RASGRF1: variants seen among roughly 807,000 people sequenced by gnomAD.
The protein encoded by RASGRF1 is ras-specific guanine nucleotide-releasing factor 1.
Under a neutral mutation model 138.7 loss-of-function variants are expected in RASGRF1, and 40 were observed. The ratio of observed to expected loss-of-function variants is 0.29; its 90% CI spans 0.22 to 0.38. The LOEUF (loss-of-function observed/expected upper bound fraction) is 0.38. RASGRF1 is among the 10% of genes least tolerant of loss of function. The pLI, the probability that RASGRF1 is intolerant of heterozygous loss-of-function variation, is 1.00. For synonymous variants in RASGRF1, 614 were observed against 663.2 expected (o/e 0.93, Z 1.14); for missense variants, 1,108 against 1,650.4 (o/e 0.67, Z 5.69).
intron 1 of RASGRF1, among the ~76,000 whole-genome samples, chr15:79,067,245 C>G (rs1031530121): frequency 5.3e-5 from 8 of 152,172 alleles, no homozygotes; most frequent in Non-Finnish European, 1.2e-4. Flanking sequence ...AGAGCCACTT[C>G]AGGCTCCCAG....
intron 2 of RASGRF1, among the ~76,000 whole-genome samples, chr15:79,062,003 C>G (rs910498379): frequency 1.3e-5 from 2 of 152,184 alleles, no homozygotes; most frequent in African/African-American, 4.8e-5. Context: ...AGTGGTTGTG[C>G]CATTTTATCT....
intron 1 of RASGRF1, among the ~76,000 whole-genome samples, chr15:79,068,626 A>G (rs2057713479): frequency 6.6e-6 from 1 of 151,126 alleles, no homozygotes; most frequent in Admixed American, 6.6e-5. Flanking sequence ...ACACACACAC[A>G]CACGCTTTTA....
chr15:78,970,799 T>TC (rs59435576), intron 26 of RASGRF1, among the ~76,000 whole-genome samples: 16,192 of 148,432 alleles, frequency 0.11, 960 homozygotes, highest in African/African-American at 0.15. Context: ...ATTAAACAAT[T>TC]TTTTTTTCTT....
intron 22 of RASGRF1, 99 bp from the exon 23 acceptor site, chr15:78,985,303 CAAG>C: frequency 7.9e-7 from 1 of 1,263,654 alleles, no homozygotes; most frequent in Non-Finnish European, 1.1e-6. Context: ...CTTGAAAATA[CAAG>C]AAGGAATTGG....
intron 5 of RASGRF1, among the ~76,000 whole-genome samples, chr15:79,042,321 C>T (rs962305097): frequency 6.6e-6 from 1 of 152,180 alleles, no homozygotes; most frequent in Non-Finnish European, 1.5e-5. Flanking sequence ...TAGGGGACAG[C>T]TACATATGAA....
intron 13 of RASGRF1, among the ~76,000 whole-genome samples, chr15:79,014,948 AAAAC>A (rs1335953892): frequency 3.8e-4 from 57 of 151,422 alleles, no homozygotes; most frequent in South Asian, 8.3e-4. Flanking sequence ...CAAAAAACAA[AAAAC>A]AAACAAAACA....
chr15:79,061,116 T>A (rs2057598422), intron 2 of RASGRF1, among the ~76,000 whole-genome samples: 1 of 152,022 alleles, frequency 6.6e-6, no homozygotes, highest in South Asian at 2.1e-4. Context: ...TGCCCCCTCC[T>A]CCCCTTCTTA....
In RASGRF1 at chr15:79,006,317, C is replaced by G. The variant is rs761805791; in HGVS notation, c.1944G>C (p.Thr648=). The change falls in exon 14 of 27, where the codon ACG becomes ACC. Residue 648 remains threonine (T), a synonymous_variant. Transcript: ENST00000558480. This position sits in a 1 kb window ranked among gnomAD's most constrained non-coding sequence, Gnocchi z 4.0. ...ASVERLLERL[T]DLRFLSIDFL... Reference sequence around the variant, plus strand: ...AGTCGATGCTCAGGAAGCGCAGGTCCGTCAGCCTCTCCAGCAGCCGCTCCA... The same window carrying G: ...AGTCGATGCTCAGGAAGCGCAGGTCGGTCAGCCTCTCCAGCAGCCGCTCCA... 6.2e-7 allele frequency: 1 copy of G among 1,614,204 alleles called. No homozygotes were observed. Among genetic ancestry groups the G allele is most frequent in the Non-Finnish European group, 8.5e-7 (1 of 1,180,036 alleles).
At chr15:79,080,823 C>T (rs1335721659) in intron 1 of RASGRF1, among the ~76,000 whole-genome samples, 1 of 152,292 alleles carries the variant, frequency 6.6e-6, no homozygotes, top group Non-Finnish European at 1.5e-5. Flanking sequence ...CCTCAATGTC[C>T]ACTAGACCTA....
At chr15:79,023,006 C>T (rs954622224) in intron 10 of RASGRF1, among the ~76,000 whole-genome samples, 3 of 152,152 alleles carry the variant, frequency 2.0e-5, no homozygotes, top group Non-Finnish European at 2.9e-5. Flanking sequence ...AACCCCATCT[C>T]TACTAAAAAT....
At chr15:79,000,210 C>T (rs28557276) in intron 16 of RASGRF1, among the ~76,000 whole-genome samples, 2,345 of 152,358 alleles carry the variant, frequency 0.015, 28 homozygotes, top group Middle Eastern at 0.024. Context: ...AACCCCTTCA[C>T]CTCTCAGGTC....
intron 7 of RASGRF1, among the ~76,000 whole-genome samples, chr15:79,031,844 ACT>A (rs1425023901): frequency 6.6e-6 from 1 of 151,708 alleles, no homozygotes; most frequent in Non-Finnish European, 1.5e-5. Flanking sequence ...TTGGTCACAG[ACT>A]CTAACTTGGA....
chr15:79,035,408 G>A (rs1016327728), intron 5 of RASGRF1, among the ~76,000 whole-genome samples, 198 bp from the exon 6 acceptor site: 2 of 152,380 alleles, frequency 1.3e-5, no homozygotes, highest in South Asian at 4.1e-4. Flanking sequence ...CAGGCCCCTG[G>A]TTAAAGAATC....
intron 2 of RASGRF1, 135 bp from the exon 3 acceptor site, chr15:79,058,616 G>T: frequency 8.6e-7 from 1 of 1,165,046 alleles, no homozygotes. Flanking sequence ...GCACCCTGCA[G>T]AGTGAGAGGG....
At chr15:79,048,532 G>C (rs1433022126) in intron 4 of RASGRF1, among the ~76,000 whole-genome samples, 1 of 152,204 alleles carries the variant, frequency 6.6e-6, no homozygotes, top group South Asian at 2.1e-4. Context: ...AGTGAGGATA[G>C]AATTAATCTG....
intron 20 of RASGRF1, among the ~76,000 whole-genome samples, chr15:78,995,112 A>G (rs1286584356): frequency 6.6e-6 from 1 of 151,806 alleles, no homozygotes. Context: ...TATTTTTGGT[A>G]GAGACAGGGT....
At chr15:78,990,421 C>T (rs1299901883) in intron 21 of RASGRF1, 148 bp from the exon 22 acceptor site, 1 of 622,264 alleles carries the variant, frequency 1.6e-6, no homozygotes, top group Non-Finnish European at 2.8e-6. Flanking sequence ...AAGGAAGGAA[C>T]CTTGGGCTCA....
intron 10 of RASGRF1, among the ~76,000 whole-genome samples, chr15:79,024,078 C>T (rs547401758): frequency 4.6e-5 from 7 of 150,964 alleles, no homozygotes; most frequent in African/African-American, 1.7e-4. Context: ...CACATATACA[C>T]ACCACACATA....
chr15:79,090,185 C>T (rs1247485943), intron 1 of RASGRF1, 38 bp downstream of exon 1: 2 of 1,549,850 alleles, frequency 1.3e-6, no homozygotes, highest in South Asian at 1.2e-5. Flanking sequence ...GGGCCGCGGC[C>T]GGGACGCAGG....
Sources: gnomAD v4.1 joint callset for allele counts (sites outside exome capture counted in the v4.1 genomes callset) on GRCh38, gnomAD v4.1.1 for gene constraint, Gnocchi (gnomAD v3.1) non-coding constraint, MANE v1.5 for transcripts, NCBI Gene and HGNC (gene_info 2026-07-23, HGNC 2026-07-21) for gene names.